CNTNAP2: variants seen among roughly 807,000 people sequenced by gnomAD.
CNTNAP2 encodes contactin associated protein 2.
A neutral mutation model predicts 155.2 loss-of-function variants in CNTNAP2; 98 were observed. The observed-to-expected ratio is 0.63, with a 90% CI of 0.54 to 0.75. The LOEUF (loss-of-function observed/expected upper bound fraction) is 0.75, where lower values mean the gene tolerates loss of function less well. CNTNAP2 is among the 30% of genes least tolerant of loss of function. The pLI, the probability that CNTNAP2 is intolerant of heterozygous loss-of-function variation, is 0.00. For missense variants in CNTNAP2, 1,727 were observed against 1,688.1 expected, an observed-to-expected ratio of 1.02 and a Z score of -0.40; for synonymous variants, 651 against 631.2, an observed-to-expected ratio of 1.03 and a Z score of -0.47.
chr7:147,199,719 G>C (rs1802884035), intron 8 of CNTNAP2, among the ~76,000 whole-genome samples: 1 of 151,628 alleles, frequency 6.6e-6, no homozygotes, highest in African/African-American at 2.4e-5. Context: ...AAGTTCGTCT[G>C]TTACAATTAC....
chr7:147,014,004 C>T (rs1027614186), intron 3 of CNTNAP2, among the ~76,000 whole-genome samples: 1 of 152,112 alleles, frequency 6.6e-6, no homozygotes, highest in Non-Finnish European at 1.5e-5. Context: ...ATATTAGAAG[C>T]ACAGTGAGTT....
At chr7:146,599,330 C>G (rs1351211078) in intron 1 of CNTNAP2, among the ~76,000 whole-genome samples, 1 of 151,918 alleles carries the variant, frequency 6.6e-6, no homozygotes, top group Non-Finnish European at 1.5e-5. Context: ...TGTCAAAGCC[C>G]TCCAATTATT....
intron 1 of CNTNAP2, among the ~76,000 whole-genome samples, chr7:146,339,826 A>G (rs1584877327): frequency 1.3e-5 from 2 of 152,182 alleles, no homozygotes; most frequent in East Asian, 3.9e-4. Flanking sequence ...GTCTAATTAA[A>G]AAAAACCACA....
chr7:148,106,517 T>TATATATATATATATATATATAC (rs1804224754), intron 15 of CNTNAP2, among the ~76,000 whole-genome samples: 1 of 146,490 alleles, frequency 6.8e-6, no homozygotes, highest in Non-Finnish European at 1.5e-5. Flanking sequence ...TATATATATA[T>TATATATATATATATATATATAC]ATACATATTT....
At chr7:147,930,067 C>T (rs543074627) in intron 14 of CNTNAP2, among the ~76,000 whole-genome samples, 1 of 151,982 alleles carries the variant, frequency 6.6e-6, no homozygotes, top group Non-Finnish European at 1.5e-5. Context: ...AGGCCACAGA[C>T]TGGTACCGGT....
chr7:147,400,484 CTTAA>C (rs375139177), intron 10 of CNTNAP2, among the ~76,000 whole-genome samples: 1,623 of 152,142 alleles, frequency 0.011, 34 homozygotes, highest in African/African-American at 0.036. Context: ...ATATTTTGAG[CTTAA>C]TTAAGTGGTG....
chr7:146,312,576 G>A (rs1800843016), intron 1 of CNTNAP2, among the ~76,000 whole-genome samples: 1 of 152,114 alleles, frequency 6.6e-6, no homozygotes, highest in Non-Finnish European at 1.5e-5. Context: ...CTTTTCTGTG[G>A]TGAGAACATT....
At chr7:147,504,927 T>C (rs1459711405) in intron 11 of CNTNAP2, among the ~76,000 whole-genome samples, 3 of 151,968 alleles carry the variant, frequency 2.0e-5, no homozygotes, top group African/African-American at 7.3e-5. Context: ...TGATTAAATA[T>C]GCACACACAC....
chr7:147,459,682 G>C (rs1323633488), intron 10 of CNTNAP2, among the ~76,000 whole-genome samples: 2 of 152,168 alleles, frequency 1.3e-5, no homozygotes, highest in African/African-American at 4.8e-5. Context: ...GCCTTTCGAG[G>C]TTGGAAAGGC....
At chr7:147,056,143 C>T (rs992820319) in intron 4 of CNTNAP2, among the ~76,000 whole-genome samples, 2 of 152,040 alleles carry the variant, frequency 1.3e-5, no homozygotes, top group Non-Finnish European at 2.9e-5. Flanking sequence ...TGTAAAATCC[C>T]ATATAAAATT....
intron 15 of CNTNAP2, among the ~76,000 whole-genome samples, chr7:148,036,546 A>C (rs796132457): frequency 1.3e-5 from 2 of 152,250 alleles, no homozygotes; most frequent in African/African-American, 4.8e-5. Flanking sequence ...CACAGCAAGA[A>C]GGCCCTCACA....
intron 3 of CNTNAP2, among the ~76,000 whole-genome samples, chr7:146,893,040 T>C (rs1014416139): frequency 3.2e-4 from 48 of 152,286 alleles, no homozygotes; most frequent in Admixed American, 9.8e-4. Context: ...ATATATTGTT[T>C]GTAAAGATGT....
intron 1 of CNTNAP2, among the ~76,000 whole-genome samples, chr7:146,299,098 C>G (rs1385448414): frequency 1.3e-5 from 2 of 151,818 alleles, no homozygotes; most frequent in Admixed American, 6.6e-5. Context: ...ATGGTGAAAC[C>G]CCATCTCTAC....
chr7:147,047,022 A>G (rs1799374343), intron 4 of CNTNAP2, among the ~76,000 whole-genome samples: 1 of 118,018 alleles, frequency 8.5e-6, no homozygotes, highest in Admixed American at 9.8e-5. Flanking sequence ...ACAGAGCCAG[A>G]CTCCGTGTCA....
At chr7:147,393,295 A>C (rs1796754243) in intron 9 of CNTNAP2, among the ~76,000 whole-genome samples, 2 of 152,122 alleles carry the variant, frequency 1.3e-5, no homozygotes, top group African/African-American at 4.8e-5. Flanking sequence ...AAAATTACCA[A>C]GATCAAACAG....
chr7:146,251,357 T>C (rs1250290276), intron 1 of CNTNAP2, among the ~76,000 whole-genome samples: 1 of 152,190 alleles, frequency 6.6e-6, no homozygotes, highest in African/African-American at 2.4e-5. Context: ...TAATGTCACC[T>C]TGTTTTATGT....
intron 1 of CNTNAP2, among the ~76,000 whole-genome samples, chr7:146,150,779 T>C (rs1393517996): frequency 2.0e-5 from 3 of 152,112 alleles, no homozygotes; most frequent in African/African-American, 7.2e-5. Context: ...CAATGTGGAA[T>C]GAGTCAATAA....
At chr7:148,255,430 G>A (rs775221763) in intron 20 of CNTNAP2, among the ~76,000 whole-genome samples, 7 of 152,146 alleles carry the variant, frequency 4.6e-5, no homozygotes, top group South Asian at 4.1e-4. Context: ...TAGAAAATCC[G>A]TTTGCTTGGT....
At chr7:146,245,835 C>T (rs1490162785) in intron 1 of CNTNAP2, among the ~76,000 whole-genome samples, 6 of 150,268 alleles carry the variant, frequency 4.0e-5, no homozygotes, top group East Asian at 1.9e-4. Context: ...GCTGGGATGA[C>T]GGGTGCAAAG....
Sources: allele counts gnomAD v4.1 joint callset (sites outside exome capture counted in the v4.1 genomes callset), GRCh38; gene constraint gnomAD v4.1.1; transcripts MANE v1.5; gene names NCBI Gene and HGNC (gene_info 2026-07-23, HGNC 2026-07-21).